SUPT20HL1: variants seen among roughly 807,000 people sequenced by gnomAD.
SUPT20HL1 encodes transcription factor SPT20 homolog-like 1.
For missense variants in SUPT20HL1, 277 were observed against 200.3 expected (o/e 1.38, Z -2.31); for synonymous variants, 133 against 79.2 (o/e 1.68, Z -3.61).
rs1261968481 is a variant in SUPT20HL1, at chrX:24,366,988, C to T, written c.*1564C>T. Among the ~76,000 whole-genome samples, 1 of 105,406 alleles carries T rather than the reference C, an allele frequency of 9.5e-6. No homozygotes were observed. The highest frequency in any genetic ancestry group is 4.6e-4 in the South Asian group (1 of 2,169). 91.5% of individuals were successfully genotyped at this position (105,406 alleles called of 115,157 possible). A position where few individuals can be genotyped will look rare whatever the true frequency, so the allele number is the denominator to read the frequency against. On this transcript the variant is annotated 3_prime_UTR_variant, in exon 1 of 1. Transcript: ENST00000686983. Reference sequence around the variant, plus strand: ...AGCACTAGCGTGACATCTTCACACTCCCAGCCTCTGGCAACCACCAATTTG... The same window carrying T: ...AGCACTAGCGTGACATCTTCACACTTCCAGCCTCTGGCAACCACCAATTTG...
rs747610071 is a variant in SUPT20HL1 at position 24,364,285 on chromosome X, G to C, written c.1525G>C (p.Ala509Pro). The C allele has an allele frequency of 3.1e-6, 3 of 954,439 alleles. No homozygotes were observed. The highest frequency in any genetic ancestry group is 2.9e-6 in the Non-Finnish European group (2 of 687,046). 78.7% of individuals were successfully genotyped at this position (954,439 alleles called of 1,213,427 possible). A position where few individuals can be genotyped will look rare whatever the true frequency, so the allele number is the denominator to read the frequency against. The change falls in exon 1 of 1, where the codon GCT (alanine) becomes CCT (proline). Residue 509 changes from alanine (A) to proline (P), a missense_variant. Transcript: ENST00000686983. ...TGCTGCTGCTGCTGCTGCTGCTGCT[G>C]CTGCTGCTGCTGCTGCTGCTGCTGC... Reference protein sequence around the residue: ...IAAAAAAAAAAAAAAAAAAPA... With the variant: ...IAAAAAAAAAPAAAAAAAAPA...
rs1336893734 is a variant in SUPT20HL1 at position 24,361,448 on chromosome X, C to T, written c.-1313C>T. Among the ~76,000 whole-genome samples, 1 of 112,232 alleles carries T rather than the reference C, an allele frequency of 8.9e-6. No individual in the cohort carries two copies. Among genetic ancestry groups the T allele is most frequent in the Non-Finnish European group, 1.9e-5 (1 of 53,266 alleles). On this transcript the variant is annotated 5_prime_UTR_variant, in exon 1 of 1. Transcript: ENST00000686983. The stretch of plus-strand genomic sequence containing the variant: ...TATGGAGTAGTTCTCCCCAGAAAAA[C>T]ATTATTGATCTTGTCCAATAAAACA...
chrX:24,364,390 C>CCTGCTCCTGCTCCTGCCG lies in SUPT20HL1; in HGVS notation c.1642_1659dup (p.Pro548_Ala553dup). The CCTGCTCCTGCTCCTGCCG allele has an allele frequency of 5.1e-6, 3 of 590,130 alleles. No individual in the cohort carries two copies. The East Asian group carries it at 1.1e-4, about 22-fold the overall frequency. The allele number at this position is 590,130 out of a possible 1,213,427, so 48.6% of individuals were successfully genotyped here. A position where few individuals can be genotyped will look rare whatever the true frequency, so the allele number is the denominator to read the frequency against. ...TCCTGCTCTAGCTGCTGCTGCTGCT[C>CCTGCTCCTGCTCCTGCCG]CTGCTCCTGCTCCTGCCGCTGCTCC... On this transcript the variant is annotated inframe_insertion, in exon 1 of 1. Coordinates refer to ENST00000686983, the MANE Select transcript of SUPT20HL1 (RefSeq NM_001136234.3).
At position 24,365,004 on chromosome X, in the gene SUPT20HL1, C is replaced by A. The variant is rs778848458; in HGVS notation, c.2244C>A (p.Asn748Lys). ...AFPAQQLLKV[N>K]PTRARSGLQP... Reference sequence around the variant, plus strand: ...CTGCTCAGCAACTTCTTAAGGTGAACCCCACTAGAGCCAGAAGTGGTCTGC... The same window carrying A: ...CTGCTCAGCAACTTCTTAAGGTGAAACCCACTAGAGCCAGAAGTGGTCTGC... The change falls in exon 1 of 1, where the codon AAC (asparagine) becomes AAA (lysine). Residue 748 changes from asparagine to lysine, a missense_variant. By Grantham distance (94) the Asn-to-Lys change is moderately conservative. Coordinates refer to ENST00000686983, the MANE Select transcript of SUPT20HL1 (RefSeq NM_001136234.3). 17 of 379,125 alleles carry A rather than the reference C, an allele frequency of 4.5e-5. No individual in the cohort carries two copies. The highest frequency in any genetic ancestry group is 3.8e-4 in the South Asian group (16 of 41,576). 31.2% of individuals were successfully genotyped at this position (379,125 alleles called of 1,213,427 possible).
At position 24,365,339 on chromosome X, in the gene SUPT20HL1, T is replaced by C. The variant is rs1216112930; in HGVS notation, c.2579T>C (p.Ile860Thr). ...PVFLATGAVQ[I>T]VQPHPGVQVG... Reference sequence around the variant, plus strand: ...TTTTTGGCAACAGGCGCTGTTCAGATAGTGCAGCCACATCCAGGTGTGCAA... The same window carrying C: ...TTTTTGGCAACAGGCGCTGTTCAGACAGTGCAGCCACATCCAGGTGTGCAA... The change falls in exon 1 of 1, where the codon ATA becomes ACA. Residue 860 changes from isoleucine to threonine, a missense_variant. Physicochemically the swap from Ile to Thr is moderately conservative, Grantham distance 89. Transcript: ENST00000686983. 2.6e-6 allele frequency: 1 copy of C among 387,135 alleles called. No individual in the cohort carries two copies. The highest frequency in any genetic ancestry group is 2.3e-5 in the South Asian group (1 of 42,805). The allele number at this position is 387,135 out of a possible 1,213,427, so 31.9% of individuals were successfully genotyped here.
In SUPT20HL1 at chrX:24,364,244, CTGCTGCTGCTAT is replaced by C. The variant is rs1939451807; in HGVS notation, c.1495_1506del (p.Ile499_Ala502del). 3.1e-6 allele frequency: 3 copies of C among 955,612 alleles called. No homozygotes were observed. The highest frequency in any genetic ancestry group is 4.4e-6 in the Non-Finnish European group (3 of 684,733). The allele number at this position is 955,612 out of a possible 1,213,427, so 78.8% of individuals were successfully genotyped here. A position where few individuals can be genotyped will look rare whatever the true frequency, so the allele number is the denominator to read the frequency against. On this transcript the variant is annotated inframe_deletion, in exon 1 of 1. Transcript: ENST00000686983. ...AGCCCTCTTAAGCGTCCATTTTCTG[CTGCTGCTGCTAT>C]TGCTGCTGCTGCTGCTGCTGCTGCT...
rs781029695 is a variant in SUPT20HL1, at chrX:24,364,762, C to T, written c.2002C>T (p.Pro668Ser). Residue 668 changes from proline to serine, a missense_variant, in exon 1 of 1, where the codon CCA (proline) becomes TCA (serine). Pro to Ser is a moderately conservative substitution (Grantham distance 74, BLOSUM62 -1). Coordinates refer to ENST00000686983, the MANE Select transcript of SUPT20HL1 (RefSeq NM_001136234.3). The part of the protein sequence containing the change: ...ARPGAVQASS[P>S]APLQFFLNTP... ...GCCCGGTGCAGTGCAGGCATCTTCT[C>T]CAGCACCCCTTCAGTTTTTCCTAAA... 5.0e-6 allele frequency: 2 copies of T among 397,727 alleles called. No individual in the cohort carries two copies. The highest frequency in any genetic ancestry group is 5.0e-5 in the Admixed American group (2 of 39,994). 32.8% of individuals were successfully genotyped at this position (397,727 alleles called of 1,213,427 possible).
Position 24,366,440 on chromosome X carries a change from C to T in SUPT20HL1, c.*1016C>T, listed in dbSNP as rs778118936. Among the ~76,000 whole-genome samples the T allele has an allele frequency of 8.0e-5, 9 of 112,326 alleles. No individual in the cohort carries two copies. The highest frequency in any genetic ancestry group is 1.7e-4 in the Non-Finnish European group (9 of 53,232). On this transcript the variant is annotated 3_prime_UTR_variant, in exon 1 of 1. Transcript: ENST00000686983. The stretch of plus-strand genomic sequence containing the variant: ...GAATTAGTGGCAGATTTGCTTGTGA[C>T]AGTCCCCTGCCCTTTCAAAGGCCCT...
In SUPT20HL1 at chrX:24,367,414, G is replaced by A. The variant is rs1939491546; in HGVS notation, c.*1990G>A. ...TTTTGCCTTAACGAAATGAAAAGAA[G>A]TTTGGTCTGGCAGTTCCAAAAGACA... On this transcript the variant is annotated 3_prime_UTR_variant, in exon 1 of 1. Coordinates refer to ENST00000686983, the MANE Select transcript of SUPT20HL1 (RefSeq NM_001136234.3). Among the ~76,000 whole-genome samples, 1 of 112,452 alleles carries A rather than the reference G, an allele frequency of 8.9e-6. No individual in the cohort carries two copies. Among genetic ancestry groups the A allele is most frequent in the Non-Finnish European group, 1.9e-5 (1 of 53,317 alleles).
chrX:24,363,255 T>A lies in SUPT20HL1; in HGVS notation c.495T>A (p.Ile165=), dbSNP rs1939441268. 2.6e-6 allele frequency: 1 copy of A among 382,348 alleles called. No individual in the cohort carries two copies. Among genetic ancestry groups the A allele is most frequent in the South Asian group, 2.4e-5 (1 of 42,332 alleles). The allele number at this position is 382,348 out of a possible 1,213,427, so 31.5% of individuals were successfully genotyped here. A position where few individuals can be genotyped will look rare whatever the true frequency, so the allele number is the denominator to read the frequency against. The stretch of plus-strand genomic sequence containing the variant: ...CTCCTGGTTACCAAAGCAGGCATAT[T>A]CTTCTACGTCCAACGATGCAGACTT... The part of the protein sequence containing the change: ...MQPPGYQSRH[I]LLRPTMQTLA... The change falls in exon 1 of 1, where the codon ATT becomes ATA. Residue 165 remains isoleucine (I), a synonymous_variant. Transcript: ENST00000686983.
At position 24,361,644 on chromosome X, in the gene SUPT20HL1, T is replaced by C. The variant is rs150290764; in HGVS notation, c.-1117T>C. ...AATTTATTGCCATCACCTGGAACAA[T>C]TGTTCTCGTCCTTATCAGGTGCAAA... On this transcript the variant is annotated 5_prime_UTR_variant, in exon 1 of 1. Transcript: ENST00000686983. Among the ~76,000 whole-genome samples, 1 of 112,085 alleles carries C rather than the reference T, an allele frequency of 8.9e-6. No individual in the cohort carries two copies. Among genetic ancestry groups the C allele is most frequent in the Non-Finnish European group, 1.9e-5 (1 of 53,222 alleles).
chrX:24,360,650 C>T lies in SUPT20HL1; in HGVS notation c.-2111C>T. Among the ~76,000 whole-genome samples, 1 of 111,636 alleles carries T rather than the reference C, an allele frequency of 9.0e-6. No homozygotes were observed. Among genetic ancestry groups the T allele is most frequent in the East Asian group, 2.8e-4 (1 of 3,584 alleles). Reference sequence around the variant, plus strand: ...GTGAGTCACATCCTCCATTTTTGGTCTTGTTAGCTTTAATACCTGAAAAAA... The same window carrying T: ...GTGAGTCACATCCTCCATTTTTGGTTTTGTTAGCTTTAATACCTGAAAAAA... On this transcript the variant is annotated 5_prime_UTR_variant, in exon 1 of 1. Transcript: ENST00000686983.
In SUPT20HL1 at chrX:24,365,494, T is replaced by C. The variant is rs1337639757; in HGVS notation, c.*70T>C. 4 of 315,657 alleles carry C rather than the reference T, an allele frequency of 1.3e-5. No homozygotes were observed. Among genetic ancestry groups the C allele is most frequent in the Admixed American group, 3.8e-5 (1 of 26,591 alleles). 26.0% of individuals were successfully genotyped at this position (315,657 alleles called of 1,213,427 possible). A position where few individuals can be genotyped will look rare whatever the true frequency, so the allele number is the denominator to read the frequency against. ...ACTCAAATGATTTCCCAGTTTTTAC[T>C]TGAGTTTTGTTTTTTTTTTCATGTT... On this transcript the variant is annotated 3_prime_UTR_variant, in exon 1 of 1. Coordinates refer to ENST00000686983, the MANE Select transcript of SUPT20HL1 (RefSeq NM_001136234.3).
rs1280869799 is a variant in SUPT20HL1 at position 24,364,319 on chromosome X, C to T, written c.1559C>T (p.Pro520Leu). 1 of 749,086 alleles carries T rather than the reference C, an allele frequency of 1.3e-6. No individual in the cohort carries two copies. Among genetic ancestry groups the T allele is most frequent in the Non-Finnish European group, 1.8e-6 (1 of 557,986 alleles). The allele number at this position is 749,086 out of a possible 1,213,427, so 61.7% of individuals were successfully genotyped here. A position where few individuals can be genotyped will look rare whatever the true frequency, so the allele number is the denominator to read the frequency against. The change falls in exon 1 of 1, where the codon CCT becomes CTT. Residue 520 changes from proline to leucine, a missense_variant. Physicochemically the swap from Pro to Leu is moderately conservative, Grantham distance 98 (BLOSUM62 -3). Coordinates refer to ENST00000686983, the MANE Select transcript of SUPT20HL1 (RefSeq NM_001136234.3). ...GCTGCTGCTGCTGCTGCTCCTGCTC[C>T]TGCTCTAGCTGCTGCTGCTGCTCCT... ...AAAAAAAAPA[P>L]ALAAAAAPAL...
rs1939472555 is a variant in SUPT20HL1, at chrX:24,365,046, T to G, written c.2286T>G (p.Pro762=). 1 of 362,515 alleles carries G rather than the reference T, an allele frequency of 2.8e-6. No individual in the cohort carries two copies. Among genetic ancestry groups the G allele is most frequent in the Non-Finnish European group, 5.5e-6 (1 of 180,705 alleles). 29.9% of individuals were successfully genotyped at this position (362,515 alleles called of 1,213,427 possible). ...ARSGLQPQPQ[P]AVLSLLGSAQ... ...GTGGTCTGCAGCCCCAGCCCCAGCC[T>G]GCTGTGTTGAGTCTGCTTGGCTCTG... The change falls in exon 1 of 1, where the codon CCT becomes CCG. Residue 762 remains proline (P), a synonymous_variant. Transcript: ENST00000686983.
At position 24,365,588 on chromosome X, in the gene SUPT20HL1, G is replaced by A. The variant is rs1031719603; in HGVS notation, c.*164G>A. Among the ~76,000 whole-genome samples, 2 of 111,371 alleles carry A rather than the reference G, an allele frequency of 1.8e-5. No individual in the cohort carries two copies. The highest frequency in any genetic ancestry group is 1.9e-5 in the Non-Finnish European group (1 of 53,102). ...AATCCACTGATTTTTCTTTAGAAAC[G>A]GAAGTGATTTCCTAAAGGAGCGTTG... On this transcript the variant is annotated 3_prime_UTR_variant, in exon 1 of 1. Coordinates refer to ENST00000686983, the MANE Select transcript of SUPT20HL1 (RefSeq NM_001136234.3).
chrX:24,360,677 C>A lies in SUPT20HL1; in HGVS notation c.-2084C>A, dbSNP rs917714724. On this transcript the variant is annotated 5_prime_UTR_variant, in exon 1 of 1. Transcript: ENST00000686983. The stretch of plus-strand genomic sequence containing the variant: ...TGTTAGCTTTAATACCTGAAAAAAC[C>A]TTACATTAAATTGCCCATTTCACTT... Among the ~76,000 whole-genome samples, 2 of 111,946 alleles carry A rather than the reference C, an allele frequency of 1.8e-5. No individual in the cohort carries two copies. The highest frequency in any genetic ancestry group is 6.5e-5 in the African/African-American group (2 of 30,748).
Position 24,367,661 on chromosome X carries a change from T to C in SUPT20HL1, c.*2237T>C, listed in dbSNP as rs1334492781. 8.9e-6 allele frequency among the ~76,000 whole-genome samples: 1 copy of C among 112,342 alleles called. No individual in the cohort carries two copies. The highest frequency in any genetic ancestry group is 1.9e-5 in the Non-Finnish European group (1 of 53,264). ...ACTGGTTGCAAAGAAGAGTTTCTCC[T>C]TAGCTTTGGGTGCCAACTAGAGACC... On this transcript the variant is annotated 3_prime_UTR_variant, in exon 1 of 1. Transcript: ENST00000686983.
rs921268795 is a variant in SUPT20HL1, at chrX:24,366,630, T to C, written c.*1206T>C. 1.9e-5 allele frequency among the ~76,000 whole-genome samples: 2 copies of C among 104,113 alleles called. No individual in the cohort carries two copies. Among genetic ancestry groups the C allele is most frequent in the African/African-American group, 7.4e-5 (2 of 27,102 alleles). The allele number at this position is 104,113 out of a possible 115,157, so 90.4% of individuals were successfully genotyped here. Reference sequence around the variant, plus strand: ...GAAAATCCATTTTATTGGTTTGCTTTTCAAATATCTGTAGCCTTGTTTCTT... The same window carrying C: ...GAAAATCCATTTTATTGGTTTGCTTCTCAAATATCTGTAGCCTTGTTTCTT... On this transcript the variant is annotated 3_prime_UTR_variant, in exon 1 of 1. Transcript: ENST00000686983.
Sources: allele counts gnomAD v4.1 joint callset (sites outside exome capture counted in the v4.1 genomes callset), GRCh38; gene constraint gnomAD v4.1.1; transcripts MANE v1.5; gene names NCBI Gene and HGNC (gene_info 2026-07-23, HGNC 2026-07-21).